Variants in LAMA3 observed in about 807,000 individuals in gnomAD.
LAMA3 encodes laminin subunit alpha-3.
In LAMA3, 281 loss-of-function variants were observed where a neutral mutation model predicts 402.0. That is an observed-to-expected ratio of 0.70 (90% CI 0.63 to 0.77). LAMA3 has a LOEUF of 0.77. Among genes scored for constraint, LAMA3 ranks in the 30% least tolerant of loss-of-function variants. The probability of loss-of-function intolerance (pLI) is 0.00; values close to 1 mark genes in which losing one functional copy is unlikely to be tolerated. For synonymous variants in LAMA3, 1,431 were observed against 1,558.4 expected (o/e 0.92, Z 1.93); for missense variants, 3,840 against 4,215.5 (o/e 0.91, Z 2.47).
intron 12 of LAMA3, among the ~76,000 whole-genome samples, chr18:23,786,596 G>A (rs2062549607): frequency 6.6e-6 from 1 of 152,186 alleles, no homozygotes; most frequent in South Asian, 2.1e-4. Flanking sequence ...GAGCATAGCA[G>A]AATTTCAAAG....
chr18:23,807,840 A>G (rs1004743314), intron 12 of LAMA3, among the ~76,000 whole-genome samples: 4 of 152,260 alleles, frequency 2.6e-5, no homozygotes, highest in African/African-American at 9.6e-5. Context: ...TTGGCAACAT[A>G]GTTAGCCAAG....
At position 23,824,559 on chromosome 18, in the gene LAMA3, CCTT is replaced by C. The variant is rs2063345022; in HGVS notation, c.2568_2570del (p.Leu857del). ...TTGCTTGTATTAAGGCAGAAGGAGT[CCTT>C]CTGGTAAGACTTAGTTCTGAATGGA... On this transcript the variant is annotated inframe_deletion, in exon 21 of 75. Transcript: ENST00000313654. 6.2e-7 allele frequency: 1 copy of C among 1,613,832 alleles called. No individual in the cohort carries two copies. Among genetic ancestry groups the C allele is most frequent in the African/African-American group, 1.3e-5 (1 of 74,896 alleles).
At chr18:23,824,294 G>A (rs2063339726) in intron 20 of LAMA3, 129 bp from the exon 21 acceptor site, 1 of 898,462 alleles carries the variant, frequency 1.1e-6, no homozygotes, top group African/African-American at 1.6e-5. Flanking sequence ...GATAAGATCA[G>A]TAAATCTGAT....
At chr18:23,951,300 C>T (rs574319965) in intron 72 of LAMA3, among the ~76,000 whole-genome samples, 1 of 152,238 alleles carries the variant, frequency 6.6e-6, no homozygotes, top group Admixed American at 6.5e-5. Context: ...AGGCCTCCAC[C>T]AGTAGCTTTG....
At chr18:23,713,680 T>A (rs2145909882) in intron 1 of LAMA3, among the ~76,000 whole-genome samples, 1 of 152,160 alleles carries the variant, frequency 6.6e-6, no homozygotes, top group East Asian at 1.9e-4. Flanking sequence ...AGACCCCATA[T>A]CCTAAAAACA....
At chr18:23,710,280 G>T (rs1337378859) in intron 1 of LAMA3, 12 of 534,236 alleles carry the variant, frequency 2.2e-5, no homozygotes, top group African/African-American at 2.1e-4. Context: ...CTTCGCCTTC[G>T]GCGCCATCTT....
At chr18:23,740,923 G>A (rs2061551163) in intron 2 of LAMA3, among the ~76,000 whole-genome samples, 2 of 151,776 alleles carry the variant, frequency 1.3e-5, no homozygotes, top group Non-Finnish European at 2.9e-5. Context: ...GAGGAGCTGA[G>A]AGTCAGTACT....
chr18:23,791,864 G>T (rs919952075), intron 12 of LAMA3, among the ~76,000 whole-genome samples: 2 of 151,118 alleles, frequency 1.3e-5, no homozygotes, highest in Admixed American at 1.3e-4. Context: ...GAGTGGTAAA[G>T]AAAACTTCTT....
At chr18:23,729,604 A>G (rs1211702124) in intron 2 of LAMA3, among the ~76,000 whole-genome samples, 1 of 152,218 alleles carries the variant, frequency 6.6e-6, no homozygotes, top group African/African-American at 2.4e-5. Context: ...ATCATTTAGA[A>G]TTTAAAAATG....
Position 23,758,502 on chromosome 18 carries a change from G to T in LAMA3, c.1054G>T (p.Glu352Ter), listed in dbSNP as rs1344062987. Residue 352 changes from glutamate to a stop codon, truncating the protein, a stop_gained, in exon 7 of 75, where the codon GAG becomes TAG. Coordinates refer to ENST00000313654, the MANE Select transcript of LAMA3 (RefSeq NM_198129.4). LOFTEE classifies it high-confidence loss of function. ...GCCCGCCGCTTGGGAGCAGAGCCAC[G>T]AGTGTGAAGGTGGGTGTGGGGATGG... ...WRPAAWEQSHECEACNCHGHA... is the reference protein window; with the variant it reads ...WRPAAWEQSH 1 of 1,613,528 alleles carries T rather than the reference G, an allele frequency of 6.2e-7. No homozygotes were observed. Among genetic ancestry groups the T allele is most frequent in the South Asian group, 1.1e-5 (1 of 91,054 alleles).
chr18:23,844,295 A>T (rs2063766498), intron 29 of LAMA3, among the ~76,000 whole-genome samples: 1 of 152,222 alleles, frequency 6.6e-6, no homozygotes, highest in Non-Finnish European at 1.5e-5. Flanking sequence ...CATTATTCAT[A>T]ATAGGGTACC....
intron 2 of LAMA3, among the ~76,000 whole-genome samples, chr18:23,742,336 G>T (rs2061578021): frequency 6.6e-6 from 1 of 152,164 alleles, no homozygotes; most frequent in African/African-American, 2.4e-5. Context: ...GGGGACAAAA[G>T]AGACCTGACG....
At chr18:23,861,906 T>A (rs2064233966) in intron 35 of LAMA3, 99 bp downstream of exon 35, 1 of 1,308,626 alleles carries the variant, frequency 7.6e-7, no homozygotes, top group Admixed American at 2.2e-5. Flanking sequence ...ATCCAGCAGT[T>A]CAGGTTACTA....
At chr18:23,749,715 T>G (rs1430404894) in intron 4 of LAMA3, among the ~76,000 whole-genome samples, 169 bp downstream of exon 4, 1 of 152,210 alleles carries the variant, frequency 6.6e-6, no homozygotes, top group Non-Finnish European at 1.5e-5. Flanking sequence ...GCTCCCAGAA[T>G]GAGCCAGGTT....
intron 32 of LAMA3, among the ~76,000 whole-genome samples, chr18:23,854,979 G>A (rs1408750112): frequency 3.5e-5 from 5 of 144,306 alleles, no homozygotes; most frequent in Non-Finnish European, 7.8e-5. Flanking sequence ...GCGAGACTCC[G>A]TCTCAAAAAT....
chr18:23,752,448 T>C (rs1475618499), intron 5 of LAMA3, among the ~76,000 whole-genome samples: 2 of 152,170 alleles, frequency 1.3e-5, no homozygotes, highest in African/African-American at 4.8e-5. Flanking sequence ...ACACACATAA[T>C]ACATAATCTT....
At chr18:23,881,805 G>A (rs2064903630) in intron 39 of LAMA3, 131 bp from the exon 40 acceptor site, 4 of 699,384 alleles carry the variant, frequency 5.7e-6, no homozygotes, top group Non-Finnish European at 2.6e-6. Flanking sequence ...AAAATACATG[G>A]TTAGAGGAGC....
At chr18:23,742,379 C>T (rs2061578857) in intron 2 of LAMA3, among the ~76,000 whole-genome samples, 1 of 151,856 alleles carries the variant, frequency 6.6e-6, no homozygotes, top group African/African-American at 2.4e-5. Context: ...TGATTAAATC[C>T]CGAGATGGGA....
intron 7 of LAMA3, among the ~76,000 whole-genome samples, chr18:23,760,801 C>A (rs957837632): frequency 2.6e-5 from 4 of 152,116 alleles, no homozygotes; most frequent in African/African-American, 9.7e-5. Flanking sequence ...CTGGTAAGTC[C>A]AAGAGTAAGG....
Sources: gnomAD v4.1 joint callset for allele counts (sites outside exome capture counted in the v4.1 genomes callset) on GRCh38, gnomAD v4.1.1 for gene constraint, MANE v1.5 for transcripts, NCBI Gene and HGNC (gene_info 2026-07-23, HGNC 2026-07-21) for gene names.